Variants in SNTG2 observed in about 807,000 individuals in gnomAD.
SNTG2 encodes the protein syntrophin gamma 2.
Under a neutral mutation model 70.9 loss-of-function variants are expected in SNTG2, and 74 were observed. That is an observed-to-expected ratio of 1.04 (90% CI 0.86 to 1.27). SNTG2 has a LOEUF of 1.27. Among genes scored for constraint, SNTG2 ranks in the 50% most tolerant of loss-of-function variants. SNTG2 has a pLI of 0.00. For synonymous variants in SNTG2, 278 were observed against 273.8 expected, an observed-to-expected ratio of 1.02 and a Z score of -0.15; for missense variants, 717 against 690.7, an observed-to-expected ratio of 1.04 and a Z score of -0.43.
At chr2:1,167,248 A>G (rs1670778627) in intron 7 of SNTG2, among the ~76,000 whole-genome samples, 1 of 150,570 alleles carries the variant, frequency 6.6e-6, no homozygotes. Flanking sequence ...CAGACGACAG[A>G]ACTGAAACCA....
chr2:1,324,597 A>G, intron 16 of SNTG2, among the ~76,000 whole-genome samples: 1 of 152,244 alleles, frequency 6.6e-6, no homozygotes, highest in South Asian at 2.1e-4. Flanking sequence ...ATAAAAATTC[A>G]AAAACAATGG....
At chr2:1,282,364 C>T (rs1306714762) in intron 14 of SNTG2, among the ~76,000 whole-genome samples, 1 of 152,160 alleles carries the variant, frequency 6.6e-6, no homozygotes, top group Non-Finnish European at 1.5e-5. Flanking sequence ...TTAATTTCTT[C>T]CTTTTGGAAT....
chr2:1,057,213 T>G (rs1484122559), intron 1 of SNTG2, among the ~76,000 whole-genome samples: 3 of 152,088 alleles, frequency 2.0e-5, no homozygotes, highest in African/African-American at 7.2e-5. Context: ...AAAGACTGTG[T>G]TAATATTTGC....
intron 6 of SNTG2, among the ~76,000 whole-genome samples, chr2:1,142,659 T>A: frequency 6.6e-6 from 1 of 152,180 alleles, no homozygotes; most frequent in East Asian, 1.9e-4. Flanking sequence ...AGTCCTGATG[T>A]TAGTCAACTA....
chr2:1,129,229 A>G (rs1222424418), intron 4 of SNTG2, among the ~76,000 whole-genome samples: 2 of 152,218 alleles, frequency 1.3e-5, no homozygotes, highest in African/African-American at 2.4e-5. Flanking sequence ...GGTTCTCACT[A>G]TTTAGCTCCT....
At position 1,267,362 on chromosome 2, in the gene SNTG2, C is replaced by T. The variant is rs866485592; in HGVS notation, c.1078-3C>T. 1.3e-6 allele frequency: 2 copies of T among 1,591,632 alleles called. No homozygotes were observed. Among genetic ancestry groups the T allele is most frequent in the African/African-American group, 1.3e-5 (1 of 74,832 alleles). On this transcript the variant is annotated splice_region_variant and splice_polypyrimidine_tract_variant and intron_variant, in intron 13 of 16. Coordinates refer to ENST00000308624, the MANE Select transcript of SNTG2 (RefSeq NM_018968.4). ...CGTTTCCAATCCATGCTCTGTTTTT[C>T]AGTTCTGGCTCACAGAGGACTGCTG...
At chr2:951,455 G>A (rs890438902) in intron 1 of SNTG2, among the ~76,000 whole-genome samples, 8 of 152,126 alleles carry the variant, frequency 5.3e-5, no homozygotes, top group Non-Finnish European at 1.0e-4. Context: ...GGCTCGGACC[G>A]GAGCGTCCCC....
At chr2:1,074,468 A>G (rs1434974410) in intron 1 of SNTG2, among the ~76,000 whole-genome samples, 1 of 152,252 alleles carries the variant, frequency 6.6e-6, no homozygotes, top group Non-Finnish European at 1.5e-5. Context: ...AACAGGTAGA[A>G]TAAACAGTGG....
At chr2:1,030,000 C>A (rs978966769) in intron 1 of SNTG2, among the ~76,000 whole-genome samples, 2 of 152,222 alleles carry the variant, frequency 1.3e-5, no homozygotes, top group Non-Finnish European at 2.9e-5. Context: ...AGTGACTCGG[C>A]AGCCATTCCC....
chr2:1,134,676 C>G (rs541107276), intron 4 of SNTG2, among the ~76,000 whole-genome samples: 30 of 152,332 alleles, frequency 2.0e-4, no homozygotes, highest in Non-Finnish European at 3.4e-4. Context: ...AGTGGATCCC[C>G]CACCGGGGCT....
At chr2:1,095,965 C>T (rs1300795564) in intron 2 of SNTG2, among the ~76,000 whole-genome samples, 5 of 152,178 alleles carry the variant, frequency 3.3e-5, no homozygotes. Context: ...CCCACTCCCT[C>T]AGTTGGCCAT....
chr2:1,294,235 G>A (rs1399803600), intron 14 of SNTG2, among the ~76,000 whole-genome samples: 2 of 152,064 alleles, frequency 1.3e-5, no homozygotes, highest in Non-Finnish European at 1.5e-5. Context: ...GGTCCCATTG[G>A]GGACAGACCC....
At chr2:951,126 C>A in intron 1 of SNTG2, 58 bp downstream of exon 1, 1 of 744,050 alleles carries the variant, frequency 1.3e-6, no homozygotes, top group Non-Finnish European at 1.8e-6. Flanking sequence ...CTCCTTCGCG[C>A]CCTTCTCCCC....
intron 13 of SNTG2, among the ~76,000 whole-genome samples, 161 bp downstream of exon 13, chr2:1,259,602 A>G (rs1465199592): frequency 1.3e-5 from 2 of 152,234 alleles, no homozygotes; most frequent in Non-Finnish European, 2.9e-5. Flanking sequence ...CCTACCTGGT[A>G]CATGGGTTCT....
chr2:1,081,437 A>G (rs1664289007), intron 1 of SNTG2, among the ~76,000 whole-genome samples: 1 of 152,204 alleles, frequency 6.6e-6, no homozygotes, highest in Non-Finnish European at 1.5e-5. Context: ...GTTACACGTT[A>G]CACACACTCA....
At chr2:1,131,983 T>G (rs1303774499) in intron 4 of SNTG2, among the ~76,000 whole-genome samples, 1 of 152,186 alleles carries the variant, frequency 6.6e-6, no homozygotes, top group Non-Finnish European at 1.5e-5. Flanking sequence ...CTTCACCTAA[T>G]GTGAAAATGT....
chr2:1,274,367 T>C (rs760351127), intron 14 of SNTG2, among the ~76,000 whole-genome samples: 2 of 152,170 alleles, frequency 1.3e-5, no homozygotes, highest in Non-Finnish European at 2.9e-5. Context: ...ATCAAAAATG[T>C]GTGTGTATCT....
intron 14 of SNTG2, among the ~76,000 whole-genome samples, chr2:1,294,395 A>G (rs144045799): frequency 6.7e-4 from 102 of 152,376 alleles, no homozygotes; most frequent in African/African-American, 2.4e-3. Flanking sequence ...GGTACATTTT[A>G]TGTGCTCAAA....
chr2:1,057,539 C>T (rs1207828168), intron 1 of SNTG2, among the ~76,000 whole-genome samples: 2 of 152,130 alleles, frequency 1.3e-5, no homozygotes, highest in Non-Finnish European at 2.9e-5. Flanking sequence ...GATGCTAAGC[C>T]ATTCTAGCCT....
Sources: gnomAD v4.1 joint callset for allele counts (sites outside exome capture counted in the v4.1 genomes callset) on GRCh38, gnomAD v4.1.1 for gene constraint, MANE v1.5 for transcripts, NCBI Gene and HGNC (gene_info 2026-07-23, HGNC 2026-07-21) for gene names.